Variants in AGR3 observed in about 807,000 individuals in gnomAD.
AGR3 encodes the protein anterior gradient protein 3.
In AGR3, 37 loss-of-function variants were observed where a neutral mutation model predicts 24.5. The observed-to-expected ratio is 1.51, with a 90% CI of 1.16 to 1.99. The LOEUF (loss-of-function observed/expected upper bound fraction) is 1.99. Ranked by LOEUF, AGR3 falls within the 30% of genes most tolerant of loss-of-function variation. AGR3 has a pLI of 0.00. For synonymous variants in AGR3, 75 were observed against 61.6 expected (o/e 1.22, Z -1.02); for missense variants, 228 against 191.1 (o/e 1.19, Z -1.14).
chr7:16,865,323 C>T (rs932713391), intron 3 of AGR3: 8 of 1,183,214 alleles, frequency 6.8e-6, no homozygotes, highest in Non-Finnish European at 1.0e-5. Context: ...ATCACCAGAA[C>T]ATCCTTGACA....
At chr7:16,876,349 A>C (rs1248960884) in intron 2 of AGR3, among the ~76,000 whole-genome samples, 7 of 152,168 alleles carry the variant, frequency 4.6e-5, no homozygotes, top group African/African-American at 1.7e-4. Context: ...AATATTTACT[A>C]TCCGCCAATC....
chr7:16,880,998 C>G (rs889732834), intron 1 of AGR3, among the ~76,000 whole-genome samples: 2 of 152,140 alleles, frequency 1.3e-5, no homozygotes, highest in Non-Finnish European at 2.9e-5. Context: ...GCCTCTGTTC[C>G]TTTTCCGTGG....
intron 3 of AGR3, chr7:16,866,056 G>C (rs1433758300): frequency 6.4e-6 from 4 of 625,068 alleles, no homozygotes; most frequent in South Asian, 4.6e-5. Flanking sequence ...TTTTCAGACA[G>C]ATAGTCTTTT....
chr7:16,856,637 T>C (rs951876080), downstream of AGR3, among the ~76,000 whole-genome samples: 3 of 152,330 alleles, frequency 2.0e-5, no homozygotes, highest in Admixed American at 6.5e-5. Context: ...GAAATGCAAA[T>C]GAAAACTCTG....
intron 3 of AGR3, chr7:16,864,350 G>A: frequency 7.5e-7 from 1 of 1,340,428 alleles, no homozygotes; most frequent in Non-Finnish European, 1.1e-6. Context: ...TGGCTGGCAG[G>A]CAGTTCACTG....
chr7:16,865,337 C>A (rs982213356), intron 3 of AGR3: 3 of 1,155,614 alleles, frequency 2.6e-6, no homozygotes, highest in Non-Finnish European at 2.6e-6. Flanking sequence ...CTTGACAGAG[C>A]ACCTCTAGAG....
rs71007797 is a variant in AGR3 at position 16,869,673 on chromosome 7, GTT to G, written c.173+4105_173+4106del. Among the ~76,000 whole-genome samples, 479 of 125,860 alleles carry G rather than the reference GTT, an allele frequency of 3.8e-3. 15 individuals are homozygous for G. The East Asian group carries it at 0.11, about 28-fold the overall frequency. The allele number at this position is 125,860 out of a possible 152,430, so 82.6% of individuals were successfully genotyped here. On this transcript the variant is annotated intron_variant, in intron 3 of 7. Transcript: ENST00000310398. The stretch of plus-strand genomic sequence containing the variant: ...GCCTATAGTTGGGGCTTGTGAGTTT[GTT>G]TTTTTTTTTTTTTTTTTTTGCAGGG...
chr7:16,862,100 C>A (rs1255519209), intron 4 of AGR3, 40 bp from the exon 5 acceptor site: 1 of 1,443,168 alleles, frequency 6.9e-7, no homozygotes, highest in Admixed American at 1.7e-5. Flanking sequence ...TTTTAAGGAT[C>A]AAGAGACCTT....
chr7:16,862,061 C>T lies in AGR3; in HGVS notation c.227-1G>A, dbSNP rs140779232. 9.6e-4 allele frequency: 1,549 copies of T among 1,610,748 alleles called. 1 individual carries two copies. Among genetic ancestry groups the T allele is most frequent in the Middle Eastern group, 2.8e-3 (17 of 6,050 alleles). On this transcript the variant is annotated splice_acceptor_variant, in intron 4 of 7. Transcript: ENST00000310398. LOFTEE classifies it high-confidence loss of function. ...TTTTGGGCAAATACTTTCTTTAGTGCTATAGGGGAAAACAAAATTGCCAGT... is the reference window on the plus strand; with the variant it reads ...TTTTGGGCAAATACTTTCTTTAGTGTTATAGGGGAAAACAAAATTGCCAGT...
chr7:16,864,474 G>A, intron 3 of AGR3: 3 of 1,272,120 alleles, frequency 2.4e-6, no homozygotes, highest in Non-Finnish European at 3.5e-6. Context: ...CATCTCCACT[G>A]TCAGGGTCGA....
intron 3 of AGR3, chr7:16,864,463 T>A: frequency 7.8e-7 from 1 of 1,275,474 alleles, no homozygotes. Flanking sequence ...AAGCTGGGCT[T>A]CATCTCCACT....
intron 2 of AGR3, 62 bp downstream of exon 2, chr7:16,878,448 C>T: frequency 7.1e-7 from 1 of 1,417,440 alleles, no homozygotes. Flanking sequence ...AGTGAAGACA[C>T]CAGATATTTT....
chr7:16,861,281 C>A, intron 6 of AGR3, 103 bp downstream of exon 6: 3 of 825,222 alleles, frequency 3.6e-6, no homozygotes, highest in Admixed American at 2.8e-5. Flanking sequence ...GAAATGACTT[C>A]TCTTTAAAAA....
chr7:16,868,022 C>T (rs1276160449), intron 3 of AGR3, among the ~76,000 whole-genome samples: 1 of 152,174 alleles, frequency 6.6e-6, no homozygotes, highest in Non-Finnish European at 1.5e-5. Flanking sequence ...TTCTTGCCAA[C>T]ACTTGCTATT....
At position 16,860,599 on chromosome 7, in the gene AGR3, C is replaced by G. The variant is rs111248926; in HGVS notation, c.368-16G>C. 15 of 1,576,482 alleles carry G rather than the reference C, an allele frequency of 9.5e-6. No individual in the cohort carries two copies. Among genetic ancestry groups the G allele is most frequent in the African/African-American group, 9.4e-5 (7 of 74,132 alleles). Reference sequence around the variant, plus strand: ...AAAGAAGGGTCTGTCAAGGAAAAAACCAAGTCACGAAAGTATAATTTAGCA... The same window carrying G: ...AAAGAAGGGTCTGTCAAGGAAAAAAGCAAGTCACGAAAGTATAATTTAGCA... On this transcript the variant is annotated splice_polypyrimidine_tract_variant and intron_variant, in intron 6 of 7. Transcript: ENST00000310398.
chr7:16,871,479 C>T (rs1010969597), intron 3 of AGR3, among the ~76,000 whole-genome samples: 1 of 151,990 alleles, frequency 6.6e-6, no homozygotes, highest in Non-Finnish European at 1.5e-5. Context: ...CATGCAAAAC[C>T]AGTAGCATTT....
At chr7:16,868,321 AATTTTGT>A (rs1038085745) in intron 3 of AGR3, among the ~76,000 whole-genome samples, 5 of 151,864 alleles carry the variant, frequency 3.3e-5, no homozygotes, top group African/African-American at 1.2e-4. Flanking sequence ...ATGCCTGGCT[AATTTTGT>A]ATTTTTAGTA....
chr7:16,871,702 C>G (rs1258852061), intron 3 of AGR3, among the ~76,000 whole-genome samples: 1 of 152,032 alleles, frequency 6.6e-6, no homozygotes, highest in Non-Finnish European at 1.5e-5. Flanking sequence ...ATTAGCTGGG[C>G]ATGGTGGCAT....
At chr7:16,871,463 A>C (rs1006000904) in intron 3 of AGR3, among the ~76,000 whole-genome samples, 1 of 152,168 alleles carries the variant, frequency 6.6e-6, no homozygotes, top group African/African-American at 2.4e-5. Flanking sequence ...GAGGATACAA[A>C]ATCAACATGC....
Sources: allele counts gnomAD v4.1 joint callset (sites outside exome capture counted in the v4.1 genomes callset), GRCh38; gene constraint gnomAD v4.1.1; transcripts MANE v1.5; gene names NCBI Gene and HGNC (gene_info 2026-07-23, HGNC 2026-07-21).